THSD4: variants seen among roughly 807,000 people sequenced by gnomAD.
THSD4 encodes the protein thrombospondin type-1 domain-containing protein 4.
Under a neutral mutation model 119.0 loss-of-function variants are expected in THSD4, and 69 were observed. The observed-to-expected ratio is 0.58, with a 90% confidence interval of 0.48 to 0.71. The LOEUF is 0.71. Ranked by LOEUF, THSD4 falls within the 30% of genes least tolerant of loss-of-function variation. THSD4 has a pLI of 0.00. For synonymous variants in THSD4, 524 were observed against 540.4 expected (o/e 0.97, Z 0.42); for missense variants, 1,393 against 1,391.1 (o/e 1.00, Z -0.02).
chr15:71,684,590 T>A (rs2051868229), intron 8 of THSD4, among the ~76,000 whole-genome samples: 1 of 152,096 alleles, frequency 6.6e-6, no homozygotes, highest in Admixed American at 6.5e-5. Flanking sequence ...TCTTTAAAGT[T>A]TTCTATATTA....
chr15:71,349,155 T>C (rs1250368717), intron 6 of THSD4, among the ~76,000 whole-genome samples: 5 of 152,186 alleles, frequency 3.3e-5, no homozygotes, highest in Non-Finnish European at 7.3e-5. Flanking sequence ...AGTGAGATCA[T>C]AGGCAATTTC....
At chr15:71,213,765 A>G (rs552891235) in intron 3 of THSD4, among the ~76,000 whole-genome samples, 2 of 152,330 alleles carry the variant, frequency 1.3e-5, no homozygotes, top group East Asian at 3.9e-4. Context: ...ACCTCTTCCA[A>G]GTCACCATGG....
At chr15:71,388,688 G>GTGTT (rs1555408865) in intron 6 of THSD4, among the ~76,000 whole-genome samples, 59 of 151,678 alleles carry the variant, frequency 3.9e-4, no homozygotes, top group Non-Finnish European at 6.2e-4. Flanking sequence ...GTGTGTGTGT[G>GTGTT]TGTGTAGGGA....
chr15:71,227,325 C>A (rs941252876), intron 4 of THSD4, among the ~76,000 whole-genome samples: 1 of 152,170 alleles, frequency 6.6e-6, no homozygotes, highest in Non-Finnish European at 1.5e-5. Flanking sequence ...AAGAAAGATG[C>A]GATGGGCTAT....
At chr15:71,710,792 T>G (rs2173876) in intron 8 of THSD4, among the ~76,000 whole-genome samples, 148,602 of 152,182 alleles carry the variant, frequency 0.98, 72,652 homozygotes, top group East Asian at 1. Flanking sequence ...TACGTTCTGT[T>G]CCACACAGAC....
chr15:71,530,116 C>T (rs553147531), intron 7 of THSD4, among the ~76,000 whole-genome samples: 2 of 151,872 alleles, frequency 1.3e-5, no homozygotes, highest in Non-Finnish European at 2.9e-5. Context: ...TTCTTCTAAT[C>T]CTTTTTATTG....
intron 8 of THSD4, among the ~76,000 whole-genome samples, chr15:71,717,862 C>T (rs1292885447): frequency 6.6e-6 from 1 of 152,160 alleles, no homozygotes; most frequent in Non-Finnish European, 1.5e-5. Flanking sequence ...GAAAAACTTA[C>T]AGCAGGCTGG....
intron 7 of THSD4, among the ~76,000 whole-genome samples, chr15:71,457,332 A>G (rs1366973954): frequency 7.0e-6 from 1 of 143,640 alleles, no homozygotes; most frequent in Non-Finnish European, 1.5e-5. Flanking sequence ...GTGAGCTGAG[A>G]TCACGCCACT....
At chr15:71,340,976 C>A (rs1031671652) in intron 6 of THSD4, among the ~76,000 whole-genome samples, 1 of 152,146 alleles carries the variant, frequency 6.6e-6, no homozygotes, top group Non-Finnish European at 1.5e-5. Context: ...CTGGTCCCTA[C>A]AGTTCCTGGG....
At chr15:71,248,881 G>A (rs1349400216) in intron 5 of THSD4, among the ~76,000 whole-genome samples, 2 of 152,156 alleles carry the variant, frequency 1.3e-5, no homozygotes, top group African/African-American at 2.4e-5. Context: ...GGTAAGAATC[G>A]AGTACAGTTC....
intron 7 of THSD4, among the ~76,000 whole-genome samples, chr15:71,576,838 G>A (rs1308632203): frequency 6.6e-6 from 1 of 152,072 alleles, no homozygotes; most frequent in East Asian, 1.9e-4. Flanking sequence ...CTCAAAGTCA[G>A]GTGTTGTACT....
At chr15:71,502,073 ATC>A (rs1567011057) in intron 7 of THSD4, among the ~76,000 whole-genome samples, 4 of 152,242 alleles carry the variant, frequency 2.6e-5, no homozygotes, top group Non-Finnish European at 5.9e-5. Flanking sequence ...CACAATACTG[ATC>A]TCATAGAGAA....
intron 7 of THSD4, among the ~76,000 whole-genome samples, chr15:71,459,372 G>A (rs369540997): frequency 3.0e-5 from 3 of 99,976 alleles, no homozygotes; most frequent in African/African-American, 6.0e-5. Context: ...CTGTCTCTCT[G>A]TCTCTCTGTC....
intron 7 of THSD4, among the ~76,000 whole-genome samples, chr15:71,446,160 A>T (rs532466640): frequency 6.6e-6 from 1 of 152,228 alleles, no homozygotes; most frequent in African/African-American, 2.4e-5. Flanking sequence ...ACTCTATCCC[A>T]TAGTGAAACT....
intron 6 of THSD4, among the ~76,000 whole-genome samples, chr15:71,353,222 T>A (rs2045766319): frequency 6.6e-6 from 1 of 152,224 alleles, no homozygotes; most frequent in Non-Finnish European, 1.5e-5. Context: ...CATTCAGGGA[T>A]GTCACTCCGA....
chr15:71,737,675 TA>T, intron 10 of THSD4, 56 bp from the exon 11 acceptor site: 2 of 1,515,626 alleles, frequency 1.3e-6, no homozygotes, highest in Non-Finnish European at 8.8e-7. Flanking sequence ...ATTTCCTCTT[TA>T]CAACTCAGGG....
Position 71,243,106 on chromosome 15 carries a change from C to T in THSD4, c.912+10C>T. 1 of 1,604,202 alleles carries T rather than the reference C, an allele frequency of 6.2e-7. No individual in the cohort carries two copies. The highest frequency in any genetic ancestry group is 8.5e-7 in the Non-Finnish European group (1 of 1,174,766). On this transcript the variant is annotated intron_variant, in intron 5 of 17. Transcript: ENST00000261862. ...GCTGTGCAACACCAACGTGAGTACA[C>T]ACAACCCATACCGGGCCTGGAAACA... is the stretch of plus-strand genomic sequence containing the variant.
At chr15:71,547,828 T>C in intron 7 of THSD4, 1 of 174,960 alleles carries the variant, frequency 5.7e-6, no homozygotes, top group Non-Finnish European at 1.2e-5. Flanking sequence ...CTGTTACCTT[T>C]TGAGAATTTT....
chr15:71,098,336 T>A (rs2040240400), intron 1 of THSD4, among the ~76,000 whole-genome samples: 1 of 83,684 alleles, frequency 1.2e-5, no homozygotes, highest in Admixed American at 1.6e-4. Flanking sequence ...GCTGGGACTA[T>A]AGGCCCGTGC....
Sources: gnomAD v4.1 joint callset for allele counts (sites outside exome capture counted in the v4.1 genomes callset) on GRCh38, gnomAD v4.1.1 for gene constraint, MANE v1.5 for transcripts, NCBI Gene and HGNC (gene_info 2026-07-23, HGNC 2026-07-21) for gene names.